The following SLCO1A2 variants were observed in gnomAD, a reference collection of about 807,000 sequenced individuals.
SLCO1A2 encodes the protein solute carrier organic anion transporter family member 1A2, also known as OATP-1.
In SLCO1A2, 67 loss-of-function variants were observed where a neutral mutation model predicts 69.0. The observed-to-expected ratio is 0.97, with a 90% CI of 0.80 to 1.19. The LOEUF (loss-of-function observed/expected upper bound fraction) is 1.19, where lower values mean the gene tolerates loss of function less well. SLCO1A2 is among the 50% of genes most tolerant of loss of function. The probability of loss-of-function intolerance (pLI) is 0.00; values close to 1 mark genes in which losing one functional copy is unlikely to be tolerated. For synonymous variants in SLCO1A2, 260 were observed against 265.9 expected (o/e 0.98, Z 0.22); for missense variants, 787 against 793.7 (o/e 0.99, Z 0.10).
At chr12:21,415,329 G>C (rs938674390) in intron 1 of SLCO1A2, among the ~76,000 whole-genome samples, 8 of 151,950 alleles carry the variant, frequency 5.3e-5, no homozygotes, top group Non-Finnish European at 1.2e-4. Context: ...ATATATTTGG[G>C]GAGAAGGGCA....
intron 2 of SLCO1A2, among the ~76,000 whole-genome samples, chr12:21,325,902 T>C (rs936527630): frequency 1.3e-5 from 2 of 152,176 alleles, no homozygotes; most frequent in African/African-American, 2.4e-5. Flanking sequence ...TCTGTGGTAG[T>C]AATGTCACCT....
At chr12:21,275,795 A>T (rs1263702220) in intron 12 of SLCO1A2, among the ~76,000 whole-genome samples, 2 of 152,076 alleles carry the variant, frequency 1.3e-5, no homozygotes, top group Non-Finnish European at 2.9e-5. Flanking sequence ...ACAAAAAATT[A>T]GCTGGGTGTG....
chr12:21,314,852 C>T (rs555090038), intron 3 of SLCO1A2, among the ~76,000 whole-genome samples, 171 bp from the exon 4 acceptor site: 8 of 152,182 alleles, frequency 5.3e-5, no homozygotes, highest in Admixed American at 2.6e-4. Flanking sequence ...ATCCCTGCCC[C>T]GAAGAAGGGT....
At chr12:21,338,685 C>G (rs530351825), upstream of SLCO1A2, among the ~76,000 whole-genome samples, 1 of 151,852 alleles carries the variant, frequency 6.6e-6, no homozygotes, top group South Asian at 2.1e-4. Context: ...GATTATTATC[C>G]CAATTCTTAT....
rs979695160 is a variant in SLCO1A2 at position 21,318,639 on chromosome 12, C to G, written c.202+143G>C. On this transcript the variant is annotated intron_variant, in intron 3 of 14. Transcript: ENST00000683939. ...GAATTATTTCCAAGCATATTCTAAGCTTAGCTAATCAGTTAGTTTTAGAAA... is the reference window on the plus strand; with the variant it reads ...GAATTATTTCCAAGCATATTCTAAGGTTAGCTAATCAGTTAGTTTTAGAAA... 3 of 594,612 alleles carry G rather than the reference C, an allele frequency of 5.0e-6. No homozygotes were observed. The Admixed American group carries it at 1.1e-4, about 21-fold the overall frequency. The allele number at this position is 594,612 out of a possible 1,614,324, so 36.8% of individuals were successfully genotyped here.
Position 21,269,436 on chromosome 12 carries a change from T to G in SLCO1A2, c.*112A>C. 1.5e-6 allele frequency: 1 copy of G among 683,978 alleles called. No homozygotes were observed. Among genetic ancestry groups the G allele is most frequent in the Non-Finnish European group, 2.3e-6 (1 of 427,434 alleles). 42.4% of individuals were successfully genotyped at this position (683,978 alleles called of 1,614,324 possible). A position where few individuals can be genotyped will look rare whatever the true frequency, so the allele number is the denominator to read the frequency against. ...TTATTATTTTGAGTTAAGAGGTTTT[T>G]TAGGTTCTTAAAGACAAGAAAAAGT... On this transcript the variant is annotated 3_prime_UTR_variant, in exon 15 of 15. Coordinates refer to ENST00000683939, the MANE Select transcript of SLCO1A2 (RefSeq NM_001386879.1).
intron 1 of SLCO1A2, chr12:21,376,298 A>G (rs1389312698): frequency 5.9e-6 from 2 of 336,598 alleles, no homozygotes; most frequent in East Asian, 9.4e-5. Flanking sequence ...TTGACCCATA[A>G]TTTTCCTTTA....
intron 2 of SLCO1A2, among the ~76,000 whole-genome samples, chr12:21,355,341 G>C (rs1272058651): frequency 6.6e-6 from 1 of 152,100 alleles, no homozygotes; most frequent in Admixed American, 6.6e-5. Flanking sequence ...CTAGAACTTA[G>C]ATAAGTTAAG....
intron 2 of SLCO1A2, among the ~76,000 whole-genome samples, chr12:21,369,359 C>T (rs1200168820): frequency 1.3e-5 from 2 of 152,164 alleles, no homozygotes; most frequent in Non-Finnish European, 2.9e-5. Flanking sequence ...CATGATCTCA[C>T]TGACATCGTC....
intron 1 of SLCO1A2, among the ~76,000 whole-genome samples, chr12:21,408,317 T>C (rs1005857032): frequency 4.0e-5 from 6 of 150,928 alleles, no homozygotes; most frequent in African/African-American, 1.5e-4. Flanking sequence ...AACCTCCCTC[T>C]TTTTTTTAAT....
At chr12:21,350,602 C>G (rs192997248) in intron 2 of SLCO1A2, among the ~76,000 whole-genome samples, 1 of 151,772 alleles carries the variant, frequency 6.6e-6, no homozygotes, top group Non-Finnish European at 1.5e-5. Context: ...TTTGGGAGGC[C>G]GAGGCGGGTG....
At chr12:21,375,339 T>G (rs1010357824) in intron 1 of SLCO1A2, among the ~76,000 whole-genome samples, 1 of 152,312 alleles carries the variant, frequency 6.6e-6, no homozygotes, top group African/African-American at 2.4e-5. Flanking sequence ...GTATGATTTG[T>G]CATGCTGAGA....
intron 2 of SLCO1A2, among the ~76,000 whole-genome samples, chr12:21,341,004 C>T (rs1410593458): frequency 1.3e-5 from 2 of 151,888 alleles, no homozygotes; most frequent in East Asian, 3.9e-4. Context: ...GTTCTAGGGG[C>T]ATTGCAGATA....
intron 12 of SLCO1A2, 84 bp downstream of exon 12, chr12:21,292,080 A>G (rs1193397534): frequency 1.1e-6 from 1 of 911,654 alleles, no homozygotes; most frequent in Non-Finnish European, 1.6e-6. Flanking sequence ...GTTCTTAGAT[A>G]CTGAGTCCTG....
chr12:21,418,848 T>C (rs897743692), upstream of SLCO1A2, among the ~76,000 whole-genome samples: 1 of 152,130 alleles, frequency 6.6e-6, no homozygotes, highest in Non-Finnish European at 1.5e-5. Context: ...CTACCACCTG[T>C]AGGCAAAATT....
intron 1 of SLCO1A2, among the ~76,000 whole-genome samples, chr12:21,377,131 T>G (rs931419651): frequency 6.6e-6 from 1 of 152,182 alleles, no homozygotes; most frequent in African/African-American, 2.4e-5. Context: ...TATGCACTTC[T>G]TCCAGGTGGC....
chr12:21,375,699 A>G (rs1221816994), intron 1 of SLCO1A2, among the ~76,000 whole-genome samples: 2 of 152,250 alleles, frequency 1.3e-5, no homozygotes, highest in Non-Finnish European at 2.9e-5. Context: ...TAAGGCTGAG[A>G]GCAGGGACTC....
chr12:21,409,672 T>A (rs2137203977), intron 1 of SLCO1A2, among the ~76,000 whole-genome samples: 1 of 152,272 alleles, frequency 6.6e-6, no homozygotes, highest in South Asian at 2.1e-4. Context: ...TAAATCCCAA[T>A]GCAAAGTATT....
At chr12:21,298,657 A>T (rs1948122694) in intron 8 of SLCO1A2, among the ~76,000 whole-genome samples, 2 of 152,118 alleles carry the variant, frequency 1.3e-5, no homozygotes, top group South Asian at 4.1e-4. Flanking sequence ...TAAGTCACCC[A>T]TGTTTGTTGA....
Sources: gnomAD v4.1 joint callset for allele counts (sites outside exome capture counted in the v4.1 genomes callset) on GRCh38, gnomAD v4.1.1 for gene constraint, MANE v1.5 for transcripts, NCBI Gene and HGNC (gene_info 2026-07-23, HGNC 2026-07-21) for gene names.